PTPN21: variants seen among roughly 807,000 people sequenced by gnomAD.
The protein encoded by PTPN21 is tyrosine-protein phosphatase non-receptor type 21.
A neutral mutation model predicts 131.8 loss-of-function variants in PTPN21; 77 were observed. The observed-to-expected ratio is 0.58, with a 90% CI of 0.49 to 0.71. PTPN21 has a LOEUF of 0.71. PTPN21 is among the 30% of genes least tolerant of loss of function. PTPN21 has a pLI of 0.00. For missense variants in PTPN21, 1,552 were observed against 1,527.1 expected (o/e 1.02, Z -0.27); for synonymous variants, 715 against 621.3 (o/e 1.15, Z -2.24).
intron 4 of PTPN21, among the ~76,000 whole-genome samples, chr14:88,507,474 C>T (rs549210855): frequency 6.6e-6 from 1 of 152,194 alleles, no homozygotes; most frequent in East Asian, 1.9e-4. Context: ...CTCATAGAAG[C>T]CTATACAGCA....
chr14:88,476,878 T>G (rs1231173257), intron 13 of PTPN21, among the ~76,000 whole-genome samples: 1 of 152,166 alleles, frequency 6.6e-6, no homozygotes, highest in East Asian at 1.9e-4. Flanking sequence ...GAGAGAAAAG[T>G]TCTTTTAAGA....
chr14:88,522,483 T>C (rs2139324513), intron 2 of PTPN21, among the ~76,000 whole-genome samples: 1 of 151,774 alleles, frequency 6.6e-6, no homozygotes, highest in South Asian at 2.1e-4. Flanking sequence ...CTTTGTTGGT[T>C]AGCTCTTTTA....
rs115562712 is a variant in PTPN21 at position 88,476,199 on chromosome 14, T to C, written c.2512-2397A>G. ...ATAACCTTAATTCACATTAGGAAAT[T>C]TGTTGTAACGATTAAGATAATGGCA... On this transcript the variant is annotated intron_variant, in intron 13 of 18. Coordinates refer to ENST00000556564, the MANE Select transcript of PTPN21 (RefSeq NM_007039.4). Among the ~76,000 whole-genome samples, 917 of 152,332 alleles carry C rather than the reference T, an allele frequency of 6.0e-3. 8 individuals are homozygous for C. Among genetic ancestry groups the C allele is most frequent in the African/African-American group, 0.021 (886 of 41,580 alleles).
At chr14:88,500,929 C>T (rs1433023217) in intron 7 of PTPN21, 58 bp from the exon 8 acceptor site, 2 of 1,230,080 alleles carry the variant, frequency 1.6e-6, no homozygotes, top group Non-Finnish European at 2.4e-6. Context: ...GGAACTGCTG[C>T]TAGAGTTCCC....
rs754708242 is a variant in PTPN21, at chr14:88,469,797, C to T, written c.3001-64G>A. On this transcript the variant is annotated intron_variant, in intron 16 of 18. Coordinates refer to ENST00000556564, the MANE Select transcript of PTPN21 (RefSeq NM_007039.4). The surrounding 1 kb of genome is among the most constrained non-coding windows in gnomAD (Gnocchi z 4.3). ...GCAATGGATGCCTTTCTCACATAGA[C>T]GGCACATCTGAAACAGAACCACAAC... 7.6e-5 allele frequency: 121 copies of T among 1,595,560 alleles called. No homozygotes were observed. Among genetic ancestry groups the T allele is most frequent in the Non-Finnish European group, 9.5e-5 (110 of 1,163,536 alleles).
In PTPN21 at chr14:88,467,895, C is replaced by G; in HGVS notation, c.*242G>C. ...TGCAAGTACTGCAAACCGGACAGAC[C>G]GGGGCAGGGCAAGGCCCTTGAAACC... On this transcript the variant is annotated 3_prime_UTR_variant, in exon 19 of 19. Coordinates refer to ENST00000556564, the MANE Select transcript of PTPN21 (RefSeq NM_007039.4). 1.8e-6 allele frequency: 1 copy of G among 567,624 alleles called. No individual in the cohort carries two copies. The allele number at this position is 567,624 out of a possible 1,614,324, so 35.2% of individuals were successfully genotyped here.
chr14:88,500,906 A>T, intron 7 of PTPN21, 35 bp from the exon 8 acceptor site: 1 of 1,485,758 alleles, frequency 6.7e-7, no homozygotes, highest in Non-Finnish European at 9.4e-7. Context: ...AACACCCAGG[A>T]AGCAGATGCA....
At chr14:88,540,972 T>C (rs2139354548) in intron 2 of PTPN21, among the ~76,000 whole-genome samples, 1 of 152,320 alleles carries the variant, frequency 6.6e-6, no homozygotes, top group South Asian at 2.1e-4. Context: ...CAATAAGTTG[T>C]TTTTAGATTC....
chr14:88,495,347 C>T (rs1383566317), intron 10 of PTPN21, among the ~76,000 whole-genome samples: 5 of 152,208 alleles, frequency 3.3e-5, no homozygotes, highest in East Asian at 3.9e-4. Context: ...TAAATGCTTG[C>T]GGTAGGATGC....
rs1006681700 is a variant in PTPN21, at chr14:88,550,374, T to A, written c.44A>T (p.Tyr15Phe). 6.2e-7 allele frequency: 1 copy of A among 1,614,192 alleles called. No individual in the cohort carries two copies. The highest frequency in any genetic ancestry group is 1.3e-5 in the African/African-American group (1 of 75,066). ...FGLKLKRTRR[Y>F]TVSSKSCLVA... ...CAGGCAACTCTTGCTGGACACCGTGTAGCGCCGGGTGCGTTTCAGTTTCAA... is the reference window on the plus strand; with the variant it reads ...CAGGCAACTCTTGCTGGACACCGTGAAGCGCCGGGTGCGTTTCAGTTTCAA... The change falls in exon 2 of 19, where the codon TAC (tyrosine) becomes TTC (phenylalanine). Residue 15 changes from tyrosine (Y) to phenylalanine (F), a missense_variant. By Grantham distance (22) the Tyr-to-Phe change is conservative. Transcript: ENST00000556564.
At position 88,521,566 on chromosome 14, in the gene PTPN21, C is replaced by CTT. The variant is rs11407992; in HGVS notation, c.181-4307_181-4306dup. 9.7e-3 allele frequency among the ~76,000 whole-genome samples: 1,270 copies of CTT among 131,428 alleles called. 13 individuals are homozygous for CTT. Among genetic ancestry groups the CTT allele is most frequent in the Middle Eastern group, 0.016 (4 of 254 alleles). The allele number at this position is 131,428 out of a possible 152,430, so 86.2% of individuals were successfully genotyped here. A position where few individuals can be genotyped will look rare whatever the true frequency, so the allele number is the denominator to read the frequency against. On this transcript the variant is annotated intron_variant, in intron 2 of 18. Transcript: ENST00000556564. The stretch of plus-strand genomic sequence containing the variant: ...TACAGGCACCCGCCACCACGCCCAA[C>CTT]TTTTTTTTTTTTTTTTTGCATTTTT...
intron 3 of PTPN21, among the ~76,000 whole-genome samples, chr14:88,508,874 C>T (rs947186594): frequency 1.3e-5 from 2 of 152,066 alleles, no homozygotes; most frequent in Non-Finnish European, 2.9e-5. Flanking sequence ...TGTTTACCAC[C>T]CTGTTTGTAC....
chr14:88,523,144 C>A (rs1269032833), intron 2 of PTPN21, among the ~76,000 whole-genome samples: 1 of 151,984 alleles, frequency 6.6e-6, no homozygotes, highest in African/African-American at 2.4e-5. Flanking sequence ...AAGATAACCA[C>A]AAGAAAACTA....
At chr14:88,484,341 G>A (rs544647051) in intron 12 of PTPN21, among the ~76,000 whole-genome samples, 1 of 152,070 alleles carries the variant, frequency 6.6e-6, no homozygotes, top group East Asian at 1.9e-4. Context: ...CCCATACAGA[G>A]AGAGTATAGA....
intron 2 of PTPN21, among the ~76,000 whole-genome samples, chr14:88,545,200 C>T (rs1222741853): frequency 6.6e-6 from 1 of 152,200 alleles, no homozygotes; most frequent in Non-Finnish European, 1.5e-5. Flanking sequence ...CAAGAAACTT[C>T]TGGTTTGTTC....
chr14:88,554,038 A>C (rs1360828446), intron 1 of PTPN21, among the ~76,000 whole-genome samples: 1 of 152,106 alleles, frequency 6.6e-6, no homozygotes, highest in African/African-American at 2.4e-5. Context: ...TTAAAAAAAT[A>C]AATAAACTGT....
Position 88,497,232 on chromosome 14 carries a change from T to G in PTPN21, c.823A>C (p.Asn275His). Residue 275 changes from asparagine to histidine, a missense_variant, in exon 9 of 19, where the codon AAT (asparagine) becomes CAT (histidine). Physicochemically the swap from Asn to His is moderately conservative, Grantham distance 68. Coordinates refer to ENST00000556564, the MANE Select transcript of PTPN21 (RefSeq NM_007039.4). The stretch of plus-strand genomic sequence containing the variant: ...TGAAATTGAATGGTCTCCTCTTTAT[T>G]TGCCAGCTCTAATGCAAAAAAGGAC... The part of the protein sequence containing the change: ...NKSFFALELA[N>H]KEETIQFQTE... 6.2e-7 allele frequency: 1 copy of G among 1,612,548 alleles called. No homozygotes were observed. Among genetic ancestry groups the G allele is most frequent in the Non-Finnish European group, 8.5e-7 (1 of 1,178,546 alleles).
chr14:88,524,375 G>T (rs968076603), intron 2 of PTPN21, among the ~76,000 whole-genome samples: 3 of 152,034 alleles, frequency 2.0e-5, no homozygotes, highest in African/African-American at 7.2e-5. Context: ...GTGGGGAAAA[G>T]AATACTCTCT....
intron 7 of PTPN21, 29 bp downstream of exon 7, chr14:88,501,252 A>G: frequency 6.4e-7 from 1 of 1,561,368 alleles, no homozygotes; most frequent in South Asian, 1.1e-5. Context: ...CCTAACTTTA[A>G]AGAGCCCCAG....
Sources: gnomAD v4.1 joint callset for allele counts (sites outside exome capture counted in the v4.1 genomes callset) on GRCh38, gnomAD v4.1.1 for gene constraint, Gnocchi (gnomAD v3.1) non-coding constraint, MANE v1.5 for transcripts, NCBI Gene and HGNC (gene_info 2026-07-23, HGNC 2026-07-21) for gene names.